PIKFYVE: variants seen among roughly 807,000 people sequenced by gnomAD.
The protein encoded by PIKFYVE is phosphoinositide kinase, FYVE-type zinc finger containing, also known as 1-phosphatidylinositol 3-phosphate 5-kinase.
Under a neutral mutation model 257.9 loss-of-function variants are expected in PIKFYVE, and 122 were observed. That is an observed-to-expected ratio of 0.47 (90% CI 0.41 to 0.55). PIKFYVE has a LOEUF of 0.55. Among genes scored for constraint, PIKFYVE ranks in the 20% least tolerant of loss-of-function variants. The pLI is 0.00. For synonymous variants in PIKFYVE, 892 were observed against 868.9 expected, an observed-to-expected ratio of 1.03 and a Z score of -0.47; for missense variants, 2,160 against 2,536.6, an observed-to-expected ratio of 0.85 and a Z score of 3.19.
intron 30 of PIKFYVE, 73 bp downstream of exon 30, chr2:208,339,628 T>C: frequency 6.5e-7 from 1 of 1,549,722 alleles, no homozygotes; most frequent in East Asian, 2.3e-5. Flanking sequence ...TTTACATGAA[T>C]TACAGCCATT....
Position 208,277,584 on chromosome 2 carries a change from G to A in PIKFYVE, c.489G>A (p.Glu163=). The A allele has an allele frequency of 6.2e-7, 1 of 1,613,906 alleles. No individual in the cohort carries two copies. The highest frequency in any genetic ancestry group is 1.3e-5 in the African/African-American group (1 of 75,024). Residue 163 remains glutamate, a synonymous_variant, in exon 5 of 42, where the codon GAG becomes GAA. Coordinates refer to ENST00000264380, the MANE Select transcript of PIKFYVE (RefSeq NM_015040.4). The stretch of plus-strand genomic sequence containing the variant: ...GGATGCCAGATAGCCAATGTAAAGA[G>A]TGCTATGACTGTAGTGAGAAATTTA... ...QYWMPDSQCK[E]CYDCSEKFTT...
chr2:208,342,680 A>G (rs1698821739), intron 32 of PIKFYVE, 31 bp downstream of exon 32: 1 of 1,508,570 alleles, frequency 6.6e-7, no homozygotes, highest in African/African-American at 1.4e-5. Flanking sequence ...ACTTATGATG[A>G]TATCTATGTA....
At chr2:208,287,257 ACTTTTT>A (rs1203508458) in intron 6 of PIKFYVE, among the ~76,000 whole-genome samples, 1 of 128,334 alleles carries the variant, frequency 7.8e-6, no homozygotes, top group African/African-American at 2.8e-5. Context: ...GTGGTAGTGT[ACTTTTT>A]CTTTTTCTTT....
In PIKFYVE at chr2:208,347,940, C is replaced by T. The variant is rs372784183; in HGVS notation, c.5291C>T (p.Thr1764Ile). The T allele has an allele frequency of 1.5e-5, 24 of 1,613,672 alleles. No individual in the cohort carries two copies. The Admixed American group carries it at 2.0e-4, about 13-fold the overall frequency. ...GATCTCTCTTCCCAGAAGAGAGAGA[C>T]CTTACGTGGAGCAGATAGTGCTTAC... ...SPDLSSQKRE[T>I]LRGADSAYYQ... Residue 1764 changes from threonine to isoleucine, a missense_variant, in exon 35 of 42, where the codon ACC becomes ATC. Physicochemically the swap from Thr to Ile is moderately conservative, Grantham distance 89 (BLOSUM62 -1). Coordinates refer to ENST00000264380, the MANE Select transcript of PIKFYVE (RefSeq NM_015040.4).
At chr2:208,346,777 A>G (rs568580380) in intron 34 of PIKFYVE, among the ~76,000 whole-genome samples, 68 of 152,360 alleles carry the variant, frequency 4.5e-4, no homozygotes, top group African/African-American at 1.6e-3. Context: ...AGTTGCTGGC[A>G]TTTGTTTAGC....
At chr2:208,272,190 G>A (rs1160629658) in intron 2 of PIKFYVE, among the ~76,000 whole-genome samples, 1 of 151,716 alleles carries the variant, frequency 6.6e-6, no homozygotes, top group Admixed American at 6.6e-5. Flanking sequence ...AGCCGAGATT[G>A]CGCGACTGTA....
At chr2:208,300,507 A>T (rs1019431759) in intron 8 of PIKFYVE, among the ~76,000 whole-genome samples, 1 of 152,178 alleles carries the variant, frequency 6.6e-6, no homozygotes, top group Non-Finnish European at 1.5e-5. Flanking sequence ...TTGAGCAGGG[A>T]GTAATTTACT....
chr2:208,289,729 C>T (rs931758613), intron 7 of PIKFYVE, among the ~76,000 whole-genome samples: 1 of 152,176 alleles, frequency 6.6e-6, no homozygotes, highest in Admixed American at 6.5e-5. Context: ...CGAGCCCAGC[C>T]TGTTATTTTT....
At chr2:208,285,681 T>G (rs766150587) in intron 5 of PIKFYVE, 45 bp from the exon 6 acceptor site, 3 of 1,541,290 alleles carry the variant, frequency 1.9e-6, no homozygotes, top group Non-Finnish European at 2.7e-6. Context: ...TACTGCTATC[T>G]TTTCCTTCAA....
intron 5 of PIKFYVE, among the ~76,000 whole-genome samples, chr2:208,282,561 A>G (rs895147684): frequency 4.6e-5 from 7 of 152,290 alleles, no homozygotes; most frequent in Middle Eastern, 3.4e-3. Flanking sequence ...TTTTCTTCAG[A>G]AAACTTTAGT....
At chr2:208,281,052 G>A (rs1690740626) in intron 5 of PIKFYVE, among the ~76,000 whole-genome samples, 1 of 152,208 alleles carries the variant, frequency 6.6e-6, no homozygotes, top group Non-Finnish European at 1.5e-5. Context: ...ACAAAGAAGA[G>A]CAACCACAAA....
Position 208,298,621 on chromosome 2 carries a change from C to T in PIKFYVE, c.912-20C>T. 1.9e-6 allele frequency: 3 copies of T among 1,613,454 alleles called. No individual in the cohort carries two copies. Among genetic ancestry groups the T allele is most frequent in the Non-Finnish European group, 2.5e-6 (3 of 1,179,578 alleles). ...AGAAGAATTTACACCTGTGATTTCA[C>T]TTCTTGTTTTTATTTCCAGATCAGC... On this transcript the variant is annotated intron_variant, in intron 7 of 41. Coordinates refer to ENST00000264380, the MANE Select transcript of PIKFYVE (RefSeq NM_015040.4).
At chr2:208,279,444 T>G (rs1370728520) in intron 5 of PIKFYVE, among the ~76,000 whole-genome samples, 1 of 152,216 alleles carries the variant, frequency 6.6e-6, no homozygotes, top group Non-Finnish European at 1.5e-5. Flanking sequence ...TTGCAGTTGC[T>G]TTTGAGGACT....
At chr2:208,314,736 A>G (rs1050521522) in intron 14 of PIKFYVE, among the ~76,000 whole-genome samples, 6 of 152,172 alleles carry the variant, frequency 3.9e-5, no homozygotes. Context: ...GTCTCTACTA[A>G]TAATACAAAA....
rs768722633 is a variant in PIKFYVE, at chr2:208,335,439, T to C, written c.4256+20T>C. The C allele has an allele frequency of 1.4e-6, 2 of 1,480,838 alleles. No homozygotes were observed. Among genetic ancestry groups the C allele is most frequent in the Non-Finnish European group, 9.4e-7 (1 of 1,060,076 alleles). 91.7% of individuals were successfully genotyped at this position (1,480,838 alleles called of 1,614,324 possible). Reference sequence around the variant, plus strand: ...TCAAAAGTAAGTTCAGTTTCTTTTATCATCTTTTTTTGTTTATTTACAGCT... The same window carrying C: ...TCAAAAGTAAGTTCAGTTTCTTTTACCATCTTTTTTTGTTTATTTACAGCT... On this transcript the variant is annotated intron_variant, in intron 25 of 41. Coordinates refer to ENST00000264380, the MANE Select transcript of PIKFYVE (RefSeq NM_015040.4).
intron 20 of PIKFYVE, among the ~76,000 whole-genome samples, chr2:208,327,381 A>G (rs1697050986): frequency 6.6e-6 from 1 of 152,198 alleles, no homozygotes; most frequent in Admixed American, 6.5e-5. Context: ...GTATGCTTAT[A>G]TAAGGGTGCT....
chr2:208,308,113 T>G (rs778195792), intron 12 of PIKFYVE, among the ~76,000 whole-genome samples: 3 of 152,198 alleles, frequency 2.0e-5, no homozygotes, highest in Non-Finnish European at 4.4e-5. Flanking sequence ...ATCCTTTTTG[T>G]TGGGGCAGGG....
chr2:208,288,434 T>C (rs1224705313), intron 6 of PIKFYVE, among the ~76,000 whole-genome samples: 1 of 152,222 alleles, frequency 6.6e-6, no homozygotes, highest in Non-Finnish European at 1.5e-5. Context: ...AATTTCATCT[T>C]GTATTAATAA....
chr2:208,345,158 A>G lies in PIKFYVE; in HGVS notation c.5075A>G (p.Gln1692Arg), dbSNP rs1324995774. ...TTAGAGGAATTGTCTAAAGCGACTCAGTGGAACAGTGCCGAAGAAGGGCTT... is the reference window on the plus strand; with the variant it reads ...TTAGAGGAATTGTCTAAAGCGACTCGGTGGAACAGTGCCGAAGAAGGGCTT... ...NALEELSKATQWNSAEEGLPT... is the reference protein window; with the variant it reads ...NALEELSKATRWNSAEEGLPT... Residue 1692 changes from glutamine to arginine, a missense_variant, in exon 33 of 42, where the codon CAG becomes CGG. By Grantham distance (43) the Gln-to-Arg change is conservative (BLOSUM62 1). Around this residue, in one of 12 missense-constraint regions of PIKFYVE, gnomAD observed 699 missense variants for 855.8 expected, o/e 0.82. Coordinates refer to ENST00000264380, the MANE Select transcript of PIKFYVE (RefSeq NM_015040.4). 3.1e-6 allele frequency: 5 copies of G among 1,613,032 alleles called. No individual in the cohort carries two copies. Among genetic ancestry groups the G allele is most frequent in the Non-Finnish European group, 4.2e-6 (5 of 1,179,098 alleles).
Sources: gnomAD v4.1 joint callset for allele counts (sites outside exome capture counted in the v4.1 genomes callset) on GRCh38, gnomAD v4.1.1 for gene constraint, gnomAD v4.1.1 regional missense constraint, MANE v1.5 for transcripts, NCBI Gene and HGNC (gene_info 2026-07-23, HGNC 2026-07-21) for gene names.